Variants in ARSB observed in about 807,000 individuals in gnomAD.
ARSB encodes the protein N-acetylgalactosamine-4-sulfatase.
In ARSB, 41 loss-of-function variants were observed where a neutral mutation model predicts 50.9. That is an observed-to-expected ratio of 0.81 (90% CI 0.63 to 1.04). The LOEUF is 1.04. Ranked by LOEUF, ARSB falls within the 50% of genes least tolerant of loss-of-function variation. The pLI is 0.00. For missense variants in ARSB, 672 were observed against 693.3 expected, an observed-to-expected ratio of 0.97 and a Z score of 0.35; for synonymous variants, 269 against 284.8, an observed-to-expected ratio of 0.94 and a Z score of 0.56.
At chr5:78,826,053 C>CTTT (rs35428296) in intron 6 of ARSB, among the ~76,000 whole-genome samples, 2 of 145,390 alleles carry the variant, frequency 1.4e-5, no homozygotes, top group African/African-American at 2.5e-5. Context: ...CTTTTTCTTT[C>CTTT]TTTTTTTTTT....
chr5:78,903,110 A>G (rs1374315252), intron 4 of ARSB, among the ~76,000 whole-genome samples: 1 of 152,200 alleles, frequency 6.6e-6, no homozygotes, highest in Non-Finnish European at 1.5e-5. Flanking sequence ...AAGACCCATA[A>G]TGGTGTACCA....
rs1183593693 is a variant in ARSB at position 78,778,816 on chromosome 5, A to C, written c.*1581T>G. The C allele has an allele frequency of 6.6e-6, 1 of 152,154 alleles. No homozygotes were observed. The highest frequency in any genetic ancestry group is 2.4e-5 in the African/African-American group (1 of 41,438). 9.4% of individuals were successfully genotyped at this position (152,154 alleles called of 1,614,324 possible). A position where few individuals can be genotyped will look rare whatever the true frequency, so the allele number is the denominator to read the frequency against. On this transcript the variant is annotated 3_prime_UTR_variant, in exon 8 of 8. Coordinates refer to ENST00000264914, the MANE Select transcript of ARSB (RefSeq NM_000046.5). ...GCTGGGATAATTGCTGGAGCCCAGG[A>C]GTTTAAGACCAGCTGGGCAACATAG... is the stretch of plus-strand genomic sequence containing the variant.
chr5:78,916,734 A>C (rs1749561216), intron 4 of ARSB, among the ~76,000 whole-genome samples: 1 of 152,234 alleles, frequency 6.6e-6, no homozygotes, highest in Admixed American at 6.5e-5. Context: ...GCAAAGAATG[A>C]GACAAAGGTT....
At chr5:78,807,770 A>T (rs1335713033) in intron 6 of ARSB, among the ~76,000 whole-genome samples, 2 of 152,172 alleles carry the variant, frequency 1.3e-5, no homozygotes, top group African/African-American at 4.8e-5. Flanking sequence ...ATGAGAACAA[A>T]ATACTGTTTC....
intron 6 of ARSB, among the ~76,000 whole-genome samples, chr5:78,833,812 T>C (rs779226433): frequency 6.6e-6 from 1 of 152,206 alleles, no homozygotes; most frequent in Non-Finnish European, 1.5e-5. Context: ...TCCCACATCA[T>C]CTTTTCTGGC....
intron 6 of ARSB, among the ~76,000 whole-genome samples, chr5:78,803,694 G>C (rs978357615): frequency 6.6e-6 from 1 of 152,336 alleles, no homozygotes; most frequent in Non-Finnish European, 1.5e-5. Context: ...TTTCCTAGTC[G>C]ATCCAGCCCA....
chr5:78,978,328 T>C (rs1752752514), intron 1 of ARSB, among the ~76,000 whole-genome samples: 1 of 78,050 alleles, frequency 1.3e-5, no homozygotes, highest in Non-Finnish European at 2.5e-5. Context: ...AGAGTGAGAC[T>C]CTGTCTTAAA....
At chr5:78,905,344 G>GTTTTTTTTTTTTTTTTTTTTTTT (rs60622885) in intron 4 of ARSB, among the ~76,000 whole-genome samples, 1 of 130,544 alleles carries the variant, frequency 7.7e-6, no homozygotes, top group Non-Finnish European at 1.6e-5. Flanking sequence ...GTATTTTCCT[G>GTTTTTTTTTTTTTTTTTTTTTTT]TTTTTTTTTT....
At chr5:78,904,649 T>G (rs2112285508) in intron 4 of ARSB, among the ~76,000 whole-genome samples, 1 of 151,816 alleles carries the variant, frequency 6.6e-6, no homozygotes, top group African/African-American at 2.4e-5. Context: ...TTTTTCTGTG[T>G]TTCAGGCTGT....
At chr5:78,787,866 C>T (rs1321174993) in intron 6 of ARSB, among the ~76,000 whole-genome samples, 1 of 152,152 alleles carries the variant, frequency 6.6e-6, no homozygotes. Context: ...CACTAAGCAC[C>T]ACCCGCAATG....
At chr5:78,810,293 A>G (rs911016902) in intron 6 of ARSB, among the ~76,000 whole-genome samples, 1 of 151,868 alleles carries the variant, frequency 6.6e-6, no homozygotes, top group Non-Finnish European at 1.5e-5. Flanking sequence ...CTCTGATCTC[A>G]TGACTTTCTT....
chr5:78,868,555 C>T (rs1489510369), intron 5 of ARSB, among the ~76,000 whole-genome samples: 8 of 138,216 alleles, frequency 5.8e-5, no homozygotes, highest in African/African-American at 2.2e-4. Context: ...TCATATCCAG[C>T]CAAACTAAGC....
At chr5:78,861,659 C>T (rs1487860695) in intron 5 of ARSB, among the ~76,000 whole-genome samples, 1 of 152,158 alleles carries the variant, frequency 6.6e-6, no homozygotes, top group Non-Finnish European at 1.5e-5. Flanking sequence ...CAATATCATA[C>T]TGAATGGGCA....
At chr5:78,813,577 G>A (rs1050845843) in intron 6 of ARSB, among the ~76,000 whole-genome samples, 7 of 152,132 alleles carry the variant, frequency 4.6e-5, no homozygotes, top group African/African-American at 1.7e-4. Context: ...GGGCAGCAAA[G>A]TGAGTCCCCA....
intron 4 of ARSB, among the ~76,000 whole-genome samples, chr5:78,912,653 T>C (rs1299687399): frequency 6.6e-6 from 1 of 152,186 alleles, no homozygotes; most frequent in Non-Finnish European, 1.5e-5. Context: ...CACTGCAACA[T>C]TAACATTTTG....
At chr5:78,878,473 T>C (rs1055547689) in intron 5 of ARSB, among the ~76,000 whole-genome samples, 5 of 151,880 alleles carry the variant, frequency 3.3e-5, no homozygotes, top group Admixed American at 6.6e-5. Flanking sequence ...AAACCTAAAA[T>C]AGTGCCATAA....
intron 4 of ARSB, among the ~76,000 whole-genome samples, chr5:78,940,293 C>T (rs1157768297): frequency 6.6e-6 from 1 of 152,100 alleles, no homozygotes; most frequent in African/African-American, 2.4e-5. Context: ...TAATTAGATC[C>T]CATTTGTCTA....
intron 7 of ARSB, among the ~76,000 whole-genome samples, chr5:78,781,323 C>CTTTTTTTTT (rs376851173): frequency 1.4e-3 from 103 of 75,354 alleles, no homozygotes; most frequent in East Asian, 2.8e-3. Context: ...CTCTCTCTCT[C>CTTTTTTTTT]TTTTTTTTTT....
intron 4 of ARSB, among the ~76,000 whole-genome samples, chr5:78,900,023 T>C (rs1748729919): frequency 6.6e-6 from 1 of 152,214 alleles, no homozygotes; most frequent in African/African-American, 2.4e-5. Flanking sequence ...GGTGGCGCTA[T>C]AAGCCCAGGT....
Sources: gnomAD v4.1 joint callset for allele counts (sites outside exome capture counted in the v4.1 genomes callset) on GRCh38, gnomAD v4.1.1 for gene constraint, MANE v1.5 for transcripts, NCBI Gene and HGNC (gene_info 2026-07-23, HGNC 2026-07-21) for gene names.